AHNAK: variants seen among roughly 807,000 people sequenced by gnomAD.
AHNAK encodes the protein AHNAK nucleoprotein, also known as neuroblast differentiation-associated protein AHNAK.
A neutral mutation model predicts 37.8 loss-of-function variants in AHNAK; 23 were observed. That is an observed-to-expected ratio of 0.61 (90% CI 0.44 to 0.86). The LOEUF (loss-of-function observed/expected upper bound fraction) is 0.86, where lower values mean the gene tolerates loss of function less well. Ranked by LOEUF, AHNAK falls within the 40% of genes least tolerant of loss-of-function variation. The pLI is 0.00. For synonymous variants in AHNAK, 2,481 were observed against 2,636.3 expected, an observed-to-expected ratio of 0.94 and a Z score of 1.80; for missense variants, 7,411 against 7,319.4, an observed-to-expected ratio of 1.01 and a Z score of -0.46.
rs548105819 is a variant in AHNAK, at chr11:62,496,798, C to CAAGA, written c.343-4971_343-4968dup. ...CAGCAGAGGGAGGGAGACTCCATCTCAAGAAAGAAAGAAAGAAAGAAAAAG... is the reference window on the plus strand; with the variant it reads ...CAGCAGAGGGAGGGAGACTCCATCTCAAGAAAGAAAGAAAGAAAGAAAGAAAAAG... On this transcript the variant is annotated intron_variant, in intron 4 of 5. Coordinates refer to the AHNAK transcript ENST00000257247. Among the ~76,000 whole-genome samples the CAAGA allele has an allele frequency of 2.1e-3, 281 of 134,932 alleles. 11 individuals are homozygous for CAAGA. In the Middle Eastern group the frequency reaches 0.027, roughly 13 times the overall value. The allele number at this position is 134,932 out of a possible 152,430, so 88.5% of individuals were successfully genotyped here.
intron 5 of AHNAK, among the ~76,000 whole-genome samples, chr11:62,455,647 G>A (rs929156277): frequency 3.3e-5 from 5 of 152,032 alleles, no homozygotes; most frequent in Non-Finnish European, 7.4e-5. Context: ...GGAAGTTGCG[G>A]TGAGCTGAGA....
At chr11:62,498,690 T>C (rs951378133) in intron 4 of AHNAK, among the ~76,000 whole-genome samples, 5 of 151,600 alleles carry the variant, frequency 3.3e-5, no homozygotes, top group Admixed American at 2.6e-4. Context: ...GGTGGGAGGA[T>C]CTCTTGAGTC....
intron 4 of AHNAK, among the ~76,000 whole-genome samples, chr11:62,492,950 C>T (rs1267389078): frequency 6.8e-6 from 1 of 146,414 alleles, no homozygotes; most frequent in Non-Finnish European, 1.5e-5. Flanking sequence ...GAATCGGGAC[C>T]TTCAGTTTCA....
rs1940569250 is a variant in AHNAK, at chr11:62,528,094, G to C, written c.6323C>G (p.Pro2108Arg). ...GKLKGPKLKM[P>R]EMHFKAPKIS... is the part of the protein sequence containing the mutation. ...CTTGGGGGCCTTGAAGTGCATCTCAGGCATCTTAAGCTTGGGGCCCTTCAG... is the reference window on the plus strand; with the variant it reads ...CTTGGGGGCCTTGAAGTGCATCTCACGCATCTTAAGCTTGGGGCCCTTCAG... Residue 2108 changes from proline to arginine, a missense_variant, in exon 5 of 5, where the codon CCT (proline) becomes CGT (arginine). Coordinates refer to ENST00000378024, the MANE Select transcript of AHNAK (RefSeq NM_001620.3). 1 of 1,612,668 alleles carries C rather than the reference G, an allele frequency of 6.2e-7. No individual in the cohort carries two copies. The highest frequency in any genetic ancestry group is 1.3e-5 in the African/African-American group (1 of 74,440).
At chr11:62,510,764 CAT>C (rs571038769) in intron 4 of AHNAK, among the ~76,000 whole-genome samples, 6 of 148,842 alleles carry the variant, frequency 4.0e-5, no homozygotes, top group Non-Finnish European at 5.9e-5. Context: ...ACAAAAAAAC[CAT>C]ATATATATAT....
intron 1 of AHNAK, among the ~76,000 whole-genome samples, chr11:62,546,308 C>T (rs953222535): frequency 1.6e-4 from 25 of 152,350 alleles, no homozygotes; most frequent in African/African-American, 5.8e-4. Context: ...CCCGAGCCAC[C>T]GCCCCATGCA....
rs145447313 is a variant in AHNAK at position 62,519,658 on chromosome 11, T to A, written c.14759A>T (p.Asp4920Val). ...TGGTGCCTTGAGATGCAAATCAACATCAGGAGCAGTTACTTTAGGAGCAGA... is the reference window on the plus strand; with the variant it reads ...TGGTGCCTTGAGATGCAAATCAACAACAGGAGCAGTTACTTTAGGAGCAGA... ...EISAPKVTAP[D>V]VDLHLKAPKI... Residue 4920 changes from aspartate to valine, a missense_variant, in exon 5 of 5, where the codon GAT becomes GTT. By Grantham distance (152) the Asp-to-Val change is radical. Transcript: ENST00000378024. The A allele has an allele frequency of 1.2e-6, 2 of 1,613,868 alleles. No individual in the cohort carries two copies. The highest frequency in any genetic ancestry group is 1.3e-5 in the African/African-American group (1 of 74,878).
rs201443522 is a variant in AHNAK at position 62,527,789 on chromosome 11, C to T, written c.6628G>A (p.Glu2210Lys). The T allele has an allele frequency of 3.4e-5, 55 of 1,613,842 alleles. No homozygotes were observed. The Middle Eastern group carries it at 4.9e-4, about 15-fold the overall frequency. The change falls in exon 5 of 5, where the codon GAA becomes AAA. Residue 2210 changes from glutamate (E) to lysine (K), a missense_variant. Physicochemically the swap from Glu to Lys is moderately conservative, Grantham distance 56. Coordinates refer to ENST00000378024, the MANE Select transcript of AHNAK (RefSeq NM_001620.3). ...GDMDVSVPKV[E>K]GEMKVPDVDI... ...ACATCTGGCACTTTCATTTCACCTT[C>T]TACCTTGGGAACAGACACATCCATA...
intron 5 of AHNAK, among the ~76,000 whole-genome samples, chr11:62,478,770 A>G (rs1248700010): frequency 2.8e-4 from 34 of 119,398 alleles, no homozygotes; most frequent in Middle Eastern, 4.1e-3. Context: ...AAAAAAAAAA[A>G]AGAGAGAGAA....
At chr11:62,480,757 C>T (rs1339155825) in intron 5 of AHNAK, among the ~76,000 whole-genome samples, 1 of 149,020 alleles carries the variant, frequency 6.7e-6, no homozygotes, top group Non-Finnish European at 1.5e-5. Flanking sequence ...CCAAACAGGG[C>T]CTTCCTTCCT....
chr11:62,485,562 C>T (rs1411294697), intron 5 of AHNAK, among the ~76,000 whole-genome samples: 11 of 151,820 alleles, frequency 7.2e-5, no homozygotes, highest in Admixed American at 6.6e-4. Flanking sequence ...ATTAGCTGGG[C>T]ATGGTGGCAG....
At position 62,529,148 on chromosome 11, in the gene AHNAK, T is replaced by A; in HGVS notation, c.5269A>T (p.Ile1757Phe). ...SVDTDAPDLD[I>F]EGPEGKLKGS... ...TTCAACTTTCCTTCTGGTCCCTCAA[T>A]ATCCAAATCAGGAGCATCAGTGTCC... Residue 1757 changes from isoleucine to phenylalanine, a missense_variant, in exon 5 of 5, where the codon ATT becomes TTT. Ile to Phe is a conservative substitution (Grantham distance 21, BLOSUM62 0). Coordinates refer to ENST00000378024, the MANE Select transcript of AHNAK (RefSeq NM_001620.3). 1 of 1,614,108 alleles carries A rather than the reference T, an allele frequency of 6.2e-7. No homozygotes were observed. Among genetic ancestry groups the A allele is most frequent in the Non-Finnish European group, 8.5e-7 (1 of 1,180,022 alleles).
At chr11:62,534,953 C>T (rs1341568447) in intron 4 of AHNAK, 50 bp downstream of exon 4, 2 of 1,573,658 alleles carry the variant, frequency 1.3e-6, no homozygotes, top group African/African-American at 1.3e-5. Context: ...GTCAGCAGGC[C>T]GGCATGGCCG....
chr11:62,448,002 T>A (rs1298962831), intron 5 of AHNAK, among the ~76,000 whole-genome samples: 1 of 151,984 alleles, frequency 6.6e-6, no homozygotes, highest in Non-Finnish European at 1.5e-5. Context: ...GGCAGTGACC[T>A]GAGAGGGGAC....
chr11:62,522,445 A>G lies in AHNAK; in HGVS notation c.11972T>C (p.Met3991Thr), dbSNP rs1269732559. Reference sequence around the variant, plus strand: ...GGGGGCTTTGATGTTCATCTCTGGCATCTTGAATTTAGGGCCCTTCAGTTT... The same window carrying G: ...GGGGGCTTTGATGTTCATCTCTGGCGTCTTGAATTTAGGGCCCTTCAGTTT... ...DAKLKGPKFK[M>T]PEMNIKAPKI... The change falls in exon 5 of 5, where the codon ATG (methionine) becomes ACG (threonine). Residue 3991 changes from methionine to threonine, a missense_variant. Met to Thr is a moderately conservative substitution (Grantham distance 81). Transcript: ENST00000378024. 8 of 1,613,706 alleles carry G rather than the reference A, an allele frequency of 5.0e-6. No homozygotes were observed. Among genetic ancestry groups the G allele is most frequent in the Admixed American group, 1.7e-5 (1 of 59,954 alleles).
chr11:62,433,734 G>C, exon 6 of AHNAK: 1 of 1,123,680 alleles, frequency 8.9e-7, no homozygotes. Context: ...TGCATGCTCC[G>C]AAAAGCCGCC....
At chr11:62,437,055 A>G (rs1938187762) in intron 5 of AHNAK, among the ~76,000 whole-genome samples, 1 of 152,112 alleles carries the variant, frequency 6.6e-6, no homozygotes, top group Non-Finnish European at 1.5e-5. Context: ...CAGGCCACAT[A>G]AGGAATATTT....
Position 62,524,655 on chromosome 11 carries a change from G to A in AHNAK, c.9762C>T (p.Asp3254=), listed in dbSNP as rs746418881. The change falls in exon 5 of 5, where the codon GAC becomes GAT. Residue 3254 remains aspartate (D), a synonymous_variant. Coordinates refer to ENST00000378024, the MANE Select transcript of AHNAK (RefSeq NM_001620.3). The stretch of plus-strand genomic sequence containing the variant: ...CTACATCTATCTTTGGGCCTTTTAT[G>A]TCAAGAGCAGGTCCTTTCAAATCAC... ...VEGDLKGPAL[D]IKGPKIDVDA... 6 of 1,614,184 alleles carry A rather than the reference G, an allele frequency of 3.7e-6. No individual in the cohort carries two copies. The highest frequency in any genetic ancestry group is 5.1e-6 in the Non-Finnish European group (6 of 1,180,032).
Position 62,516,807 on chromosome 11 carries a change from A to C in AHNAK, c.17610T>G (p.Ser5870Arg). The C allele has an allele frequency of 6.2e-7, 1 of 1,614,018 alleles. No homozygotes were observed. The highest frequency in any genetic ancestry group is 8.5e-7 in the Non-Finnish European group (1 of 1,179,966). ...GAAGCTGGATGCCAACCTTATTCCC[A>C]CTGTCATTGCTAGAAGAGGAGGACA... is the stretch of plus-strand genomic sequence containing the variant. ...SRLSSSSSND[S>R]GNKVGIQLPE... Residue 5870 changes from serine (S) to arginine (R), a missense_variant, in exon 5 of 5, where the codon AGT becomes AGG. Physicochemically the swap from Ser to Arg is moderately radical, Grantham distance 110 (BLOSUM62 -1). Transcript: ENST00000378024.
Sources: allele counts gnomAD v4.1 joint callset (sites outside exome capture counted in the v4.1 genomes callset), GRCh38; gene constraint gnomAD v4.1.1; transcripts MANE v1.5; gene names NCBI Gene and HGNC (gene_info 2026-07-23, HGNC 2026-07-21).